SPAG17: variants seen among roughly 807,000 people sequenced by gnomAD.
SPAG17 encodes the protein sperm associated antigen 17.
A neutral mutation model predicts 273.6 loss-of-function variants in SPAG17; 169 were observed. The ratio of observed to expected loss-of-function variants is 0.62; its 90% CI spans 0.55 to 0.70. The LOEUF is 0.70. Ranked by LOEUF, SPAG17 falls within the 30% of genes least tolerant of loss-of-function variation. SPAG17 has a pLI of 0.00. For missense variants in SPAG17, 2,557 were observed against 2,627.8 expected (o/e 0.97, Z 0.59); for synonymous variants, 825 against 873.2 (o/e 0.94, Z 0.97).
At chr1:118,114,887 C>G (rs1656981683) in intron 4 of SPAG17, among the ~76,000 whole-genome samples, 2 of 152,056 alleles carry the variant, frequency 1.3e-5, no homozygotes, top group Non-Finnish European at 2.9e-5. Flanking sequence ...TGCAGATATG[C>G]CTATTATTTT....
At chr1:118,173,246 T>C (rs1660501548) in intron 1 of SPAG17, among the ~76,000 whole-genome samples, 1 of 152,152 alleles carries the variant, frequency 6.6e-6, no homozygotes, top group Non-Finnish European at 1.5e-5. Context: ...GTAGAAAATT[T>C]TGTGGCACTT....
chr1:118,086,524 A>T, intron 12 of SPAG17, 147 bp downstream of exon 12: 1 of 731,802 alleles, frequency 1.4e-6, no homozygotes, highest in Non-Finnish European at 2.2e-6. Flanking sequence ...TCCATTTTCC[A>T]GGTCCTACTT....
At chr1:118,045,830 C>G (rs1650286097) in intron 20 of SPAG17, among the ~76,000 whole-genome samples, 1 of 152,134 alleles carries the variant, frequency 6.6e-6, no homozygotes, top group African/African-American at 2.4e-5. Flanking sequence ...GTAGGACACC[C>G]AGTTGGTGTT....
At chr1:118,019,127 C>T (rs779140527) in intron 28 of SPAG17, among the ~76,000 whole-genome samples, 9 of 149,938 alleles carry the variant, frequency 6.0e-5, no homozygotes, top group South Asian at 4.3e-4. Context: ...CAAAAAGTAC[C>T]GAGACACAAT....
intron 48 of SPAG17, chr1:117,955,170 C>A: frequency 1.6e-6 from 1 of 629,096 alleles, no homozygotes; most frequent in South Asian, 2.5e-5. Flanking sequence ...CTGACTGACT[C>A]TAAACTCATG....
At chr1:118,133,807 TG>T (rs1658191940) in intron 3 of SPAG17, among the ~76,000 whole-genome samples, 1 of 152,204 alleles carries the variant, frequency 6.6e-6, no homozygotes, top group Non-Finnish European at 1.5e-5. Context: ...ACCTAATATC[TG>T]TTGTGAAATT....
chr1:118,135,316 C>T (rs1338461404), intron 3 of SPAG17, among the ~76,000 whole-genome samples: 1 of 149,656 alleles, frequency 6.7e-6, no homozygotes, highest in East Asian at 2.0e-4. Context: ...TGTGCCAGAA[C>T]CAAAGGAGGA....
chr1:118,123,626 TCAGCTGTCCATAATTAAACTGGTATC>T (rs888892316), intron 3 of SPAG17, among the ~76,000 whole-genome samples: 3 of 152,222 alleles, frequency 2.0e-5, no homozygotes, highest in African/African-American at 7.2e-5. Flanking sequence ...TAGATCATTT[TCAGCTGTCCATAATTAAACTGGTATC>T]CATCTCTCGA....
chr1:118,157,620 G>C (rs1455935202), intron 1 of SPAG17, among the ~76,000 whole-genome samples: 3 of 152,118 alleles, frequency 2.0e-5, no homozygotes, highest in African/African-American at 7.2e-5. Context: ...TCATACTGTG[G>C]TGGCCCCTTG....
At chr1:118,053,816 T>C (rs937249233) in intron 20 of SPAG17, among the ~76,000 whole-genome samples, 186 bp downstream of exon 20, 4 of 151,800 alleles carry the variant, frequency 2.6e-5, no homozygotes, top group African/African-American at 9.7e-5. Context: ...AACGCACAAA[T>C]AGCACAAATC....
chr1:118,128,099 C>T (rs1321745353), intron 3 of SPAG17, among the ~76,000 whole-genome samples: 7 of 150,170 alleles, frequency 4.7e-5, no homozygotes, highest in South Asian at 2.1e-4. Flanking sequence ...TCCAGCCTGG[C>T]GACACAGCAA....
rs1209617175 is a variant in SPAG17 at position 118,091,762 on chromosome 1, T to G, written c.1247-44A>C. The stretch of plus-strand genomic sequence containing the variant: ...ACCATTGCCCAATTAAGTTGTGTTC[T>G]CCATTATTTCCATCAAAATTTCATG... On this transcript the variant is annotated intron_variant, in intron 9 of 48. Transcript: ENST00000336338. The G allele has an allele frequency of 2.2e-6, 3 of 1,389,366 alleles. No homozygotes were observed. The Admixed American group carries it at 5.1e-5, about 24-fold the overall frequency. The allele number at this position is 1,389,366 out of a possible 1,614,324, so 86.1% of individuals were successfully genotyped here.
intron 13 of SPAG17, 51 bp from the exon 14 acceptor site, chr1:118,081,693 G>T: frequency 6.8e-7 from 1 of 1,467,176 alleles, no homozygotes; most frequent in Non-Finnish European, 9.5e-7. Flanking sequence ...TTAGCACATG[G>T]TACAGGGTTG....
chr1:118,039,367 CA>C lies in SPAG17; in HGVS notation c.3243del (p.Ile1081MetfsTer2), dbSNP rs1649462318. ...FMIHLNDPKE[I>X]VKKEEKGDYY... ...TAATCCCCTTTCTCTTCCTTTTTCA[CA>C]ATTTCCTTAGGGTCATTTAAATGAA... is the stretch of plus-strand genomic sequence containing the variant. On this transcript the variant is annotated frameshift_variant, in exon 23 of 49. Coordinates refer to ENST00000336338, the MANE Select transcript of SPAG17 (RefSeq NM_206996.4). LOFTEE classifies it high-confidence loss of function. 1 of 1,613,400 alleles carries C rather than the reference CA, an allele frequency of 6.2e-7. No homozygotes were observed. Among genetic ancestry groups the C allele is most frequent in the Non-Finnish European group, 8.5e-7 (1 of 1,179,622 alleles).
chr1:117,959,191 A>T (rs546085106), intron 48 of SPAG17: 108 of 1,442,592 alleles, frequency 7.5e-5, no homozygotes, highest in Non-Finnish European at 9.1e-5. Flanking sequence ...GGGAAAGATA[A>T]GTAACAACAC....
chr1:117,993,194 C>A (rs931297862), intron 35 of SPAG17, among the ~76,000 whole-genome samples: 1 of 152,078 alleles, frequency 6.6e-6, no homozygotes, highest in South Asian at 2.1e-4. Context: ...TACTTGTGAT[C>A]GATTTTCAGG....
chr1:118,136,910 G>A (rs1658399382), intron 3 of SPAG17, among the ~76,000 whole-genome samples: 1 of 152,156 alleles, frequency 6.6e-6, no homozygotes, highest in African/African-American at 2.4e-5. Context: ...TTTGCATAGG[G>A]AATTGAAACA....
intron 27 of SPAG17, 101 bp downstream of exon 27, chr1:118,025,137 A>G: frequency 1.1e-6 from 1 of 950,210 alleles, no homozygotes; most frequent in Non-Finnish European, 1.5e-6. Flanking sequence ...TCCTTTTTCT[A>G]GTGAGTTGTT....
intron 13 of SPAG17, among the ~76,000 whole-genome samples, chr1:118,082,457 C>T (rs903019395): frequency 6.6e-6 from 1 of 152,158 alleles, no homozygotes; most frequent in African/African-American, 2.4e-5. Context: ...TGGGAAAAAA[C>T]AGGGAGATTC....
Sources: allele counts gnomAD v4.1 joint callset (sites outside exome capture counted in the v4.1 genomes callset), GRCh38; gene constraint gnomAD v4.1.1; transcripts MANE v1.5; gene names NCBI Gene and HGNC (gene_info 2026-07-23, HGNC 2026-07-21).